SLC41A2: variants seen among roughly 807,000 people sequenced by gnomAD.
SLC41A2 encodes the protein SLC41A1-like 1.
In SLC41A2, 32 loss-of-function variants were observed where a neutral mutation model predicts 58.3. The ratio of observed to expected loss-of-function variants is 0.55; its 90% CI spans 0.41 to 0.74. The LOEUF is 0.74. SLC41A2 is among the 30% of genes least tolerant of loss of function. The pLI is 0.00. For synonymous variants in SLC41A2, 190 were observed against 235.0 expected, an observed-to-expected ratio of 0.81 and a Z score of 1.75; for missense variants, 514 against 680.6, an observed-to-expected ratio of 0.76 and a Z score of 2.72.
chr12:104,824,465 C>T (rs2041765555), intron 10 of SLC41A2, among the ~76,000 whole-genome samples: 1 of 152,196 alleles, frequency 6.6e-6, no homozygotes, highest in South Asian at 2.1e-4. Context: ...GGAAAACCAT[C>T]TCCCTTCTGG....
At chr12:104,853,913 T>TATTATTTTTTTTTA (rs1555202444) in intron 8 of SLC41A2, among the ~76,000 whole-genome samples, 3 of 38,434 alleles carry the variant, frequency 7.8e-5, no homozygotes, top group African/African-American at 1.9e-4. Flanking sequence ...CCTGGCTGAT[T>TATTATTTTTTTTTA]TTTTTTTTTT....
At chr12:104,839,646 G>T (rs10861280) in intron 10 of SLC41A2, among the ~76,000 whole-genome samples, 73,883 of 151,682 alleles carry the variant, frequency 0.49, 18,868 homozygotes, top group Middle Eastern at 0.57. Flanking sequence ...TGGGATTACA[G>T]GCGTGCACCA....
intron 6 of SLC41A2, among the ~76,000 whole-genome samples, chr12:104,878,668 T>C (rs2135586217): frequency 6.6e-6 from 1 of 152,310 alleles, no homozygotes; most frequent in East Asian, 1.9e-4. Context: ...CTGCATAGTA[T>C]TCCATGGTGT....
At chr12:104,854,250 A>G (rs1419876665) in intron 8 of SLC41A2, among the ~76,000 whole-genome samples, 1 of 152,042 alleles carries the variant, frequency 6.6e-6, no homozygotes, top group Non-Finnish European at 1.5e-5. Flanking sequence ...TCAAAAGGTG[A>G]TGATGAAAAT....
chr12:104,890,244 T>C (rs867680380), intron 4 of SLC41A2, among the ~76,000 whole-genome samples: 1 of 152,136 alleles, frequency 6.6e-6, no homozygotes, highest in African/African-American at 2.4e-5. Context: ...AGAGACCATA[T>C]ATCCTGGACT....
At chr12:104,929,173 T>C (rs181100861) in intron 1 of SLC41A2, among the ~76,000 whole-genome samples, 39 of 152,284 alleles carry the variant, frequency 2.6e-4, no homozygotes, top group African/African-American at 8.7e-4. Flanking sequence ...ATACATTTTA[T>C]TATTAAGATA....
chr12:104,819,170 C>T (rs2136232023), intron 10 of SLC41A2, among the ~76,000 whole-genome samples: 1 of 152,138 alleles, frequency 6.6e-6, no homozygotes, highest in African/African-American at 2.4e-5. Context: ...GGATTACTGT[C>T]ACAAAGGCCA....
intron 10 of SLC41A2, among the ~76,000 whole-genome samples, chr12:104,826,996 C>T (rs994348739): frequency 2.0e-5 from 3 of 152,120 alleles, no homozygotes; most frequent in Admixed American, 1.3e-4. Context: ...AGGTGGAAGA[C>T]TGGAAGAGGA....
intron 10 of SLC41A2, among the ~76,000 whole-genome samples, chr12:104,836,351 T>C (rs2042207298): frequency 6.6e-6 from 1 of 152,242 alleles, no homozygotes; most frequent in Non-Finnish European, 1.5e-5. Flanking sequence ...GTATGGCTCA[T>C]GATAAATACT....
At position 104,844,536 on chromosome 12, in the gene SLC41A2, T is replaced by C; in HGVS notation, c.1472A>G (p.Lys491Arg). The C allele has an allele frequency of 6.3e-7, 1 of 1,575,842 alleles. No homozygotes were observed. Among genetic ancestry groups the C allele is most frequent in the Non-Finnish European group, 8.6e-7 (1 of 1,161,500 alleles). Residue 491 changes from lysine to arginine, a missense_variant, in exon 10 of 11, where the codon AAA becomes AGA. By Grantham distance (26) the Lys-to-Arg change is conservative. Transcript: ENST00000258538. The stretch of plus-strand genomic sequence containing the variant: ...TATAGTTAAAGAAGTATGACCACTT[T>C]TCATCAAATGAATAGTGTAGAGGAA... ...LIFLYTIHLM[K>R]SGHTSLTIIF...
At chr12:104,831,728 C>T (rs7971575) in intron 10 of SLC41A2, among the ~76,000 whole-genome samples, 6,461 of 152,142 alleles carry the variant, frequency 0.042, 257 homozygotes, top group East Asian at 0.095. Context: ...ATTACCCATA[C>T]AAAATACACT....
At chr12:104,866,343 A>G in intron 7 of SLC41A2, 89 bp downstream of exon 7, 3 of 1,388,830 alleles carry the variant, frequency 2.2e-6, no homozygotes, top group Non-Finnish European at 2.8e-6. Context: ...ATGCATGTAC[A>G]TATATGCTTA....
At chr12:104,903,930 C>T (rs1478349230) in intron 3 of SLC41A2, among the ~76,000 whole-genome samples, 1 of 152,044 alleles carries the variant, frequency 6.6e-6, no homozygotes, top group Admixed American at 6.5e-5. Flanking sequence ...TAAATATGGA[C>T]ACATACATAT....
intron 10 of SLC41A2, among the ~76,000 whole-genome samples, chr12:104,825,005 G>A (rs550663048): frequency 8.9e-5 from 13 of 146,736 alleles, no homozygotes; most frequent in African/African-American, 3.0e-4. Flanking sequence ...CCCTAACTGG[G>A]CCAGTCAAAA....
chr12:104,824,319 T>C (rs1280626302), intron 10 of SLC41A2, among the ~76,000 whole-genome samples: 1 of 149,142 alleles, frequency 6.7e-6, no homozygotes, highest in Non-Finnish European at 1.5e-5. Context: ...TGGAGGAACA[T>C]ATGGGCGGCT....
chr12:104,805,068 T>C lies in SLC41A2; in HGVS notation c.*84A>G, dbSNP rs2040842601. On this transcript the variant is annotated 3_prime_UTR_variant, in exon 11 of 11. Coordinates refer to ENST00000258538, the MANE Select transcript of SLC41A2 (RefSeq NM_001352171.3). ...ATTACCCTGGCAAAAGTCAAACTAC[T>C]GATTTAAGAGTTTTGAAAAAGAGCC... is the stretch of plus-strand genomic sequence containing the variant. The C allele has an allele frequency of 8.3e-7, 1 of 1,204,332 alleles. No homozygotes were observed. Among genetic ancestry groups the C allele is most frequent in the Non-Finnish European group, 1.1e-6 (1 of 881,946 alleles). The allele number at this position is 1,204,332 out of a possible 1,614,324, so 74.6% of individuals were successfully genotyped here.
intron 2 of SLC41A2, among the ~76,000 whole-genome samples, chr12:104,926,296 G>C (rs2046836822): frequency 6.6e-6 from 1 of 152,118 alleles, no homozygotes; most frequent in Non-Finnish European, 1.5e-5. Context: ...GTAACCACAA[G>C]GCATTAAGAA....
intron 1 of SLC41A2, among the ~76,000 whole-genome samples, chr12:104,953,301 A>T (rs1282477370): frequency 3.9e-5 from 6 of 152,196 alleles, no homozygotes; most frequent in African/African-American, 1.4e-4. Flanking sequence ...ACAAAACACT[A>T]TTTATTTCCC....
intron 6 of SLC41A2, among the ~76,000 whole-genome samples, chr12:104,872,383 T>C (rs950036252): frequency 3.3e-5 from 5 of 152,022 alleles, no homozygotes; most frequent in East Asian, 1.9e-4. Flanking sequence ...AGGGGGAAAA[T>C]TGCATATTTA....
Sources: gnomAD v4.1 joint callset for allele counts (sites outside exome capture counted in the v4.1 genomes callset) on GRCh38, gnomAD v4.1.1 for gene constraint, MANE v1.5 for transcripts, NCBI Gene and HGNC (gene_info 2026-07-23, HGNC 2026-07-21) for gene names.